ADAMTS3: variants seen among roughly 807,000 people sequenced by gnomAD.
ADAMTS3 encodes the protein A disintegrin and metalloproteinase with thrombospondin motifs 3.
Under a neutral mutation model 129.0 loss-of-function variants are expected in ADAMTS3, and 73 were observed. The ratio of observed to expected loss-of-function variants is 0.57; its 90% CI spans 0.47 to 0.69. The LOEUF is 0.69. ADAMTS3 is among the 30% of genes least tolerant of loss of function. ADAMTS3 has a pLI of 0.00. For synonymous variants in ADAMTS3, 477 were observed against 510.8 expected, an observed-to-expected ratio of 0.93 and a Z score of 0.89; for missense variants, 1,457 against 1,514.5, an observed-to-expected ratio of 0.96 and a Z score of 0.63.
chr4:72,490,784 T>C (rs1052384121), intron 3 of ADAMTS3, among the ~76,000 whole-genome samples: 8 of 151,932 alleles, frequency 5.3e-5, no homozygotes, highest in African/African-American at 1.9e-4. Flanking sequence ...TCTAGCTTTA[T>C]TCTTCCTGCT....
chr4:72,568,818 C>CA lies in ADAMTS3; in HGVS notation c.-57dup, dbSNP rs1553923866. The CA allele has an allele frequency of 3.5e-6, 4 of 1,131,538 alleles. No homozygotes were observed. Among genetic ancestry groups the CA allele is most frequent in the South Asian group, 1.5e-5 (1 of 67,974 alleles). 70.1% of individuals were successfully genotyped at this position (1,131,538 alleles called of 1,614,324 possible). A position where few individuals can be genotyped will look rare whatever the true frequency, so the allele number is the denominator to read the frequency against. ...GCAAAGCAAATGCCCAGAGCAAACCCACCCCCCCCGCCCAAAATAAGTTTC... is the reference window on the plus strand; with the variant it reads ...GCAAAGCAAATGCCCAGAGCAAACCCAACCCCCCCCGCCCAAAATAAGTTTC... On this transcript the variant is annotated 5_prime_UTR_variant, in exon 1 of 22. Transcript: ENST00000286657.
chr4:72,454,504 A>G (rs753891157), intron 3 of ADAMTS3, among the ~76,000 whole-genome samples: 1 of 151,724 alleles, frequency 6.6e-6, no homozygotes, highest in Non-Finnish European at 1.5e-5. Flanking sequence ...TTTCTCATTT[A>G]CAAAATTAGA....
intron 3 of ADAMTS3, among the ~76,000 whole-genome samples, chr4:72,513,805 C>T (rs988349569): frequency 6.6e-6 from 1 of 152,030 alleles, no homozygotes; most frequent in Admixed American, 6.6e-5. Context: ...GAACATTGTA[C>T]CCAACAGGTA....
chr4:72,399,927 CGT>C (rs1721851505), intron 4 of ADAMTS3, among the ~76,000 whole-genome samples: 1 of 8,030 alleles, frequency 1.2e-4, no homozygotes, highest in Admixed American at 1.7e-3. Context: ...TGTGTATATA[CGT>C]GTGTATATAT....
chr4:72,336,864 C>A (rs111274619), intron 5 of ADAMTS3, among the ~76,000 whole-genome samples: 1,660 of 151,874 alleles, frequency 0.011, 43 homozygotes, highest in African/African-American at 0.038. Context: ...GCCCCACCCA[C>A]CAGTGTTAAC....
intron 3 of ADAMTS3, among the ~76,000 whole-genome samples, chr4:72,441,443 G>T (rs779070289): frequency 2.0e-5 from 3 of 151,856 alleles, no homozygotes; most frequent in Non-Finnish European, 4.4e-5. Flanking sequence ...TCATGTATGT[G>T]TTGTGAATAT....
At chr4:72,433,613 C>T (rs771166956) in intron 3 of ADAMTS3, among the ~76,000 whole-genome samples, 22 of 151,800 alleles carry the variant, frequency 1.4e-4, no homozygotes, top group Non-Finnish European at 2.5e-4. Context: ...CATGAAATTT[C>T]GCACAAACAT....
At chr4:72,284,806 G>T (rs932366121) in intron 21 of ADAMTS3, among the ~76,000 whole-genome samples, 3 of 152,084 alleles carry the variant, frequency 2.0e-5, no homozygotes, top group African/African-American at 2.4e-5. Context: ...CAGGTTACAA[G>T]AATTGGATTT....
At chr4:72,465,658 G>C (rs1718899310) in intron 3 of ADAMTS3, among the ~76,000 whole-genome samples, 1 of 151,970 alleles carries the variant, frequency 6.6e-6, no homozygotes. Context: ...AGGGGTTTTA[G>C]GGGCAATAAA....
chr4:72,357,304 C>G (rs1720605773), intron 4 of ADAMTS3, among the ~76,000 whole-genome samples: 1 of 151,864 alleles, frequency 6.6e-6, no homozygotes, highest in African/African-American at 2.4e-5. Context: ...GTACGCCCAC[C>G]ATAATACATG....
chr4:72,311,582 C>T (rs1027597113), intron 13 of ADAMTS3, among the ~76,000 whole-genome samples: 2 of 152,130 alleles, frequency 1.3e-5, no homozygotes, highest in Admixed American at 1.3e-4. Flanking sequence ...GTTTTTGCCT[C>T]TTACAGGATG....
At chr4:72,530,625 T>TTATTATATAATATATTATATATAA (rs1720998124) in intron 3 of ADAMTS3, among the ~76,000 whole-genome samples, 3 of 85,600 alleles carry the variant, frequency 3.5e-5, no homozygotes, top group Admixed American at 4.2e-4. Flanking sequence ...ATAATATATA[T>TTATTATATAATATATTATATATAA]TATTATATAA....
Position 72,414,878 on chromosome 4 carries a change from C to T in ADAMTS3, c.598G>A (p.Val200Ile). The change falls in exon 4 of 22, where the codon GTC becomes ATC. Residue 200 changes from valine to isoleucine, a missense_variant. Transcript: ENST00000286657. ...MEEEKGRIHVVYKRSAVEQAP... is the reference protein window; with the variant it reads ...MEEEKGRIHVIYKRSAVEQAP... ...TGTTCTACAGCTGATCTCTTGTAGACAACATGAATCCTTCCTTTTTCTTCC... is the reference window on the plus strand; with the variant it reads ...TGTTCTACAGCTGATCTCTTGTAGATAACATGAATCCTTCCTTTTTCTTCC... 6.3e-7 allele frequency: 1 copy of T among 1,582,356 alleles called. No individual in the cohort carries two copies. Among genetic ancestry groups the T allele is most frequent in the Non-Finnish European group, 8.6e-7 (1 of 1,166,082 alleles).
intron 2 of ADAMTS3, among the ~76,000 whole-genome samples, chr4:72,549,979 A>G (rs1209459203): frequency 1.7e-4 from 5 of 30,248 alleles, no homozygotes; most frequent in Middle Eastern, 0.013. Flanking sequence ...AAGAAGAAGA[A>G]GAAGAAGAAG....
chr4:72,352,234 T>C (rs1720459235), intron 4 of ADAMTS3, among the ~76,000 whole-genome samples: 1 of 152,050 alleles, frequency 6.6e-6, no homozygotes, highest in South Asian at 2.1e-4. Flanking sequence ...ACAGTGGTAT[T>C]GATTTTGTAT....
chr4:72,301,475 A>C (rs183537582), intron 17 of ADAMTS3, among the ~76,000 whole-genome samples: 57 of 152,324 alleles, frequency 3.7e-4, no homozygotes, highest in Middle Eastern at 3.4e-3. Context: ...ATTTGAACAG[A>C]TATTTCAAAA....
intron 3 of ADAMTS3, among the ~76,000 whole-genome samples, chr4:72,472,189 A>G (rs879307244): frequency 2.0e-5 from 3 of 152,178 alleles, no homozygotes; most frequent in Non-Finnish European, 2.9e-5. Flanking sequence ...TCTGAAATTC[A>G]TACATTCTCA....
intron 3 of ADAMTS3, among the ~76,000 whole-genome samples, chr4:72,506,886 C>A (rs1049777867): frequency 6.6e-6 from 1 of 152,170 alleles, no homozygotes; most frequent in East Asian, 1.9e-4. Flanking sequence ...ATTTTTCTTC[C>A]TGAATTAAAG....
At chr4:72,568,443 G>A (rs1009270873) in intron 1 of ADAMTS3, among the ~76,000 whole-genome samples, 29 of 152,130 alleles carry the variant, frequency 1.9e-4, no homozygotes, top group Admixed American at 1.7e-3. Context: ...GAATGTCGCA[G>A]ACTGGTGAAG....
Sources: allele counts gnomAD v4.1 joint callset (sites outside exome capture counted in the v4.1 genomes callset), GRCh38; gene constraint gnomAD v4.1.1; transcripts MANE v1.5; gene names NCBI Gene and HGNC (gene_info 2026-07-23, HGNC 2026-07-21).